The following SERGEF variants were observed in gnomAD, a reference collection of about 807,000 sequenced individuals.
The protein encoded by SERGEF is secretion regulating guanine nucleotide exchange factor, also known as secretion-regulating guanine nucleotide exchange factor.
SERGEF carries 51 observed loss-of-function variants against 50.0 expected under a neutral mutation model. The ratio of observed to expected loss-of-function variants is 1.02; its 90% CI spans 0.81 to 1.29. The LOEUF is 1.29. Among genes scored for constraint, SERGEF ranks in the 50% most tolerant of loss-of-function variants. The pLI, the probability that SERGEF is intolerant of heterozygous loss-of-function variation, is 0.00. For missense variants in SERGEF, 521 were observed against 557.0 expected (o/e 0.94, Z 0.65); for synonymous variants, 205 against 212.4 (o/e 0.97, Z 0.30).
chr11:17,863,358 C>T (rs1850960807), intron 10 of SERGEF, among the ~76,000 whole-genome samples: 1 of 152,224 alleles, frequency 6.6e-6, no homozygotes, highest in South Asian at 2.1e-4. Flanking sequence ...ACTGTCTAAA[C>T]AATAAAGTCA....
chr11:17,859,650 A>G (rs1850889815), intron 10 of SERGEF, among the ~76,000 whole-genome samples: 1 of 152,236 alleles, frequency 6.6e-6, no homozygotes, highest in Admixed American at 6.5e-5. Context: ...AAATTTCAAA[A>G]CACTGAAGTA....
At position 17,794,387 on chromosome 11, in the gene SERGEF, T is replaced by C. The variant is rs116945046; in HGVS notation, c.1049-5974A>G. ...CTAGGGATGGTGCTTCTCAGTTTCA[T>C]AAAAATGTCACCTTAATTTCCACGG... On this transcript the variant is annotated intron_variant, in intron 10 of 10. Coordinates refer to ENST00000265965, the MANE Select transcript of SERGEF (RefSeq NM_012139.4). 7.4e-3 allele frequency among the ~76,000 whole-genome samples: 1,121 copies of C among 152,278 alleles called. 7 individuals carry two copies. The highest frequency in any genetic ancestry group is 0.01 in the Non-Finnish European group (706 of 68,016).
At chr11:17,926,228 G>C (rs1405483544) in intron 9 of SERGEF, among the ~76,000 whole-genome samples, 3 of 151,798 alleles carry the variant, frequency 2.0e-5, no homozygotes, top group African/African-American at 7.3e-5. Context: ...GATATCTAAC[G>C]ACATCTCAGC....
chr11:17,926,978 T>A, intron 9 of SERGEF: 2 of 384,296 alleles, frequency 5.2e-6, no homozygotes, highest in Non-Finnish European at 1.1e-5. Flanking sequence ...AAACCAACCA[T>A]CGCCTGTCAC....
intron 9 of SERGEF, among the ~76,000 whole-genome samples, chr11:17,914,012 A>C (rs1221486428): frequency 6.6e-6 from 1 of 152,234 alleles, no homozygotes; most frequent in East Asian, 1.9e-4. Context: ...CCCAAATCCT[A>C]TAGCCTGGCA....
intron 7 of SERGEF, among the ~76,000 whole-genome samples, chr11:17,990,394 T>C (rs1590236927): frequency 6.6e-6 from 1 of 152,344 alleles, no homozygotes; most frequent in East Asian, 1.9e-4. Flanking sequence ...GTGTATTCCA[T>C]TCCCAGAGAG....
chr11:17,998,436 CATACATATATATATAT>C (rs1328518664), intron 5 of SERGEF, among the ~76,000 whole-genome samples: 1,917 of 46,220 alleles, frequency 0.041, 121 homozygotes, highest in African/African-American at 0.1. Context: ...TACATACATA[CATACATATATATATAT>C]ATATATATAT....
At chr11:17,968,364 C>T (rs904465946) in intron 8 of SERGEF, among the ~76,000 whole-genome samples, 1 of 152,170 alleles carries the variant, frequency 6.6e-6, no homozygotes, top group African/African-American at 2.4e-5. Context: ...AGTTATTGAG[C>T]ACTTTCTATA....
At chr11:17,905,348 A>G (rs1851818102) in intron 9 of SERGEF, among the ~76,000 whole-genome samples, 1 of 152,246 alleles carries the variant, frequency 6.6e-6, no homozygotes, top group Non-Finnish European at 1.5e-5. Context: ...TTCTCACAGA[A>G]TAGCATAAAA....
intron 2 of SERGEF, among the ~76,000 whole-genome samples, chr11:18,007,713 T>A (rs542494702): frequency 1.9e-4 from 28 of 148,436 alleles, no homozygotes; most frequent in Admixed American, 1.1e-3. Flanking sequence ...TTCATTTGTA[T>A]AATGGAGGGG....
At chr11:17,949,227 G>A (rs1297557752) in intron 9 of SERGEF, among the ~76,000 whole-genome samples, 4 of 152,112 alleles carry the variant, frequency 2.6e-5, no homozygotes, top group Non-Finnish European at 4.4e-5. Flanking sequence ...GACATTTCAG[G>A]CAAAGAAGAG....
intron 10 of SERGEF, among the ~76,000 whole-genome samples, chr11:17,818,496 A>G (rs1850020779): frequency 6.6e-6 from 1 of 152,210 alleles, no homozygotes; most frequent in African/African-American, 2.4e-5. Context: ...CATCACACAG[A>G]TAAGAAAATT....
rs1853878057 is a variant in SERGEF, at chr11:17,998,267, A to C, written c.508+2230T>G. ...TCTCTACAAGAATAAAAATTTTAAAATTAGCTGAGTGTGGTGGCACATATC... is the reference window on the plus strand; with the variant it reads ...TCTCTACAAGAATAAAAATTTTAAACTTAGCTGAGTGTGGTGGCACATATC... On this transcript the variant is annotated intron_variant, in intron 5 of 10. Transcript: ENST00000265965. Among the ~76,000 whole-genome samples the C allele has an allele frequency of 1.3e-5, 2 of 151,358 alleles. 1 individual carries two copies. Among genetic ancestry groups the C allele is most frequent in the South Asian group, 4.2e-4 (2 of 4,774 alleles).
At chr11:17,962,489 T>C (rs139920151) in intron 8 of SERGEF, among the ~76,000 whole-genome samples, 72 of 152,254 alleles carry the variant, frequency 4.7e-4, no homozygotes, top group African/African-American at 1.7e-3. Context: ...GGATTATATA[T>C]TACTATGATT....
At chr11:17,964,155 T>C (rs1026701383) in intron 8 of SERGEF, among the ~76,000 whole-genome samples, 2 of 152,138 alleles carry the variant, frequency 1.3e-5, no homozygotes, top group Admixed American at 1.3e-4. Flanking sequence ...AATCATAAAA[T>C]GTTATTTCAT....
chr11:17,929,879 C>G (rs1048702503), intron 9 of SERGEF, among the ~76,000 whole-genome samples: 2 of 152,208 alleles, frequency 1.3e-5, no homozygotes, highest in Non-Finnish European at 2.9e-5. Context: ...TCTACACATC[C>G]ATCATTACTT....
In SERGEF at chr11:17,873,331, G is replaced by A. The variant is rs1342507469; in HGVS notation, c.1048+4877C>T. ...ATCAATTTGCTGTGAGGATTAAATG[G>A]GATGAGGTAGGTAAAGCATTTACAT... On this transcript the variant is annotated intron_variant, in intron 10 of 10. Transcript: ENST00000265965. 5.3e-5 allele frequency among the ~76,000 whole-genome samples: 8 copies of A among 152,214 alleles called. 1 individual carries two copies. In the Middle Eastern group the frequency reaches 0.01, roughly 194 times the overall value.
chr11:17,887,734 T>C (rs1324269725), intron 9 of SERGEF, among the ~76,000 whole-genome samples: 1 of 152,228 alleles, frequency 6.6e-6, no homozygotes, highest in Non-Finnish European at 1.5e-5. Context: ...TCAAAAGGCA[T>C]GTACAAGCAT....
chr11:17,901,459 G>A (rs74879537), intron 9 of SERGEF, among the ~76,000 whole-genome samples: 8,952 of 152,272 alleles, frequency 0.059, 896 homozygotes, highest in African/African-American at 0.2. Context: ...TCAATGAACA[G>A]GTTACAGCTC....
Sources: allele counts gnomAD v4.1 joint callset (sites outside exome capture counted in the v4.1 genomes callset), GRCh38; gene constraint gnomAD v4.1.1; transcripts MANE v1.5; gene names NCBI Gene and HGNC (gene_info 2026-07-23, HGNC 2026-07-21).